SERPING1: variants seen among roughly 807,000 people sequenced by gnomAD.
The protein encoded by SERPING1 is plasma protease C1 inhibitor.
SERPING1 carries 5 observed loss-of-function variants against 34.1 expected under a neutral mutation model. That is an observed-to-expected ratio of 0.15 (90% CI 0.08 to 0.31). The LOEUF (loss-of-function observed/expected upper bound fraction) is 0.31. SERPING1 is among the 10% of genes least tolerant of loss of function. The probability of loss-of-function intolerance (pLI) is 1.00; values close to 1 mark genes in which losing one functional copy is unlikely to be tolerated. For missense variants in SERPING1, 505 were observed against 609.5 expected (o/e 0.83, Z 1.81); for synonymous variants, 225 against 242.4 (o/e 0.93, Z 0.67).
rs764371613 is a variant in SERPING1 at position 57,598,265 on chromosome 11, G to A, written c.-6G>A. On this transcript the variant is annotated 5_prime_UTR_variant, in exon 2 of 8. Transcript: ENST00000278407. ...GCTCCGCAGGTCCGCTGACGTCGCC[G>A]CCCAGATGGCCTCCAGGCTGACCCT... is the stretch of plus-strand genomic sequence containing the variant. 3.9e-6 allele frequency: 6 copies of A among 1,550,768 alleles called. No individual in the cohort carries two copies. In the Admixed American group the frequency reaches 7.8e-5, roughly 20 times the overall value.
intron 7 of SERPING1, 36 bp from the exon 8 acceptor site, chr11:57,614,292 G>A (rs1360209895): frequency 1.2e-6 from 2 of 1,610,674 alleles, no homozygotes; most frequent in Non-Finnish European, 8.5e-7. Flanking sequence ...GTATCATGCT[G>A]GCTTCTGACT....
At chr11:57,605,264 A>C (rs985778576) in intron 4 of SERPING1, among the ~76,000 whole-genome samples, 2 of 151,602 alleles carry the variant, frequency 1.3e-5, no homozygotes, top group African/African-American at 4.8e-5. Flanking sequence ...TCTTGGTCTT[A>C]TGTTGTACTT....
At chr11:57,607,906 C>A (rs1945429047) in intron 6 of SERPING1, among the ~76,000 whole-genome samples, 2 of 152,300 alleles carry the variant, frequency 1.3e-5, no homozygotes, top group South Asian at 4.1e-4. Flanking sequence ...GTGATCCACA[C>A]CCTCAGCCTC....
chr11:57,611,700 C>G lies in SERPING1; in HGVS notation c.1030-17C>G. 1 of 1,609,490 alleles carries G rather than the reference C, an allele frequency of 6.2e-7. No homozygotes were observed. The highest frequency in any genetic ancestry group is 8.5e-7 in the Non-Finnish European group (1 of 1,175,854). On this transcript the variant is annotated splice_polypyrimidine_tract_variant and intron_variant, in intron 6 of 7. Coordinates refer to ENST00000278407, the MANE Select transcript of SERPING1 (RefSeq NM_000062.3). ...ATGCGGTAGGAAGACTGTTAAGATG[C>G]ATCTCTTATTTTCTAGGTGGGGCAG...
At position 57,614,351 on chromosome 11, in the gene SERPING1, C is replaced by T. The variant is rs1230994574; in HGVS notation, c.1273C>T (p.Leu425Phe). 4 of 1,613,888 alleles carry T rather than the reference C, an allele frequency of 2.5e-6. No individual in the cohort carries two copies. In the African/African-American group the frequency reaches 4.0e-5, roughly 16 times the overall value. The change falls in exon 8 of 8, where the codon CTT (leucine) becomes TTT (phenylalanine). Residue 425 changes from leucine to phenylalanine, a missense_variant. Physicochemically the swap from Leu to Phe is conservative, Grantham distance 22. Transcript: ENST00000278407. Reference protein sequence around the residue: ...KLEFFDFSYDLNLCGLTEDPD... With the variant: ...KLEFFDFSYDFNLCGLTEDPD... ...AGAATTCTTCGATTTTTCTTATGAC[C>T]TTAACCTGTGTGGGCTGACAGAGGA...
At position 57,597,913 on chromosome 11, in the gene SERPING1, C is replaced by T. The variant is rs561217386; in HGVS notation, c.-23+191C>T. The T allele has an allele frequency of 2.7e-4, 74 of 279,170 alleles. No homozygotes were observed. In the East Asian group the frequency reaches 3.4e-3, roughly 13 times the overall value. 17.3% of individuals were successfully genotyped at this position (279,170 alleles called of 1,614,324 possible). On this transcript the variant is annotated intron_variant, in intron 1 of 7. Coordinates refer to ENST00000278407, the MANE Select transcript of SERPING1 (RefSeq NM_000062.3). ...CCCGCCTCAGGCCTGTTGTGCTCAG[C>T]CCCCCAGGACCTCCCCTCCCCCACG...
chr11:57,606,632 G>A, intron 6 of SERPING1, 85 bp downstream of exon 6: 1 of 1,384,566 alleles, frequency 7.2e-7, no homozygotes, highest in Non-Finnish European at 1.0e-6. Flanking sequence ...TCATTTTGGG[G>A]TACATGCTTA....
chr11:57,600,400 T>C (rs545634827), intron 3 of SERPING1, 23 bp downstream of exon 3: 2 of 1,611,842 alleles, frequency 1.2e-6, no homozygotes, highest in African/African-American at 1.3e-5. Flanking sequence ...TTGAATTCTC[T>C]CCAGGTCATT....
intron 1 of SERPING1, 185 bp from the exon 2 acceptor site, chr11:57,598,064 G>A (rs1056008556): frequency 1.9e-5 from 11 of 573,776 alleles, no homozygotes; most frequent in African/African-American, 1.7e-4. Context: ...GCCGGGAAAG[G>A]GAAGCGGTTT....
intron 7 of SERPING1, among the ~76,000 whole-genome samples, chr11:57,612,403 CT>C (rs1175159358): frequency 0.011 from 1,483 of 135,190 alleles, 28 homozygotes; most frequent in African/African-American, 0.034. Flanking sequence ...ACTCCATTTT[CT>C]TTTTTTTTTT....
In SERPING1 at chr11:57,614,644, T is replaced by G; in HGVS notation, c.*63T>G. The G allele has an allele frequency of 4.5e-6, 7 of 1,569,722 alleles. No individual in the cohort carries two copies. The highest frequency in any genetic ancestry group is 5.2e-6 in the Non-Finnish European group (6 of 1,160,192). On this transcript the variant is annotated 3_prime_UTR_variant, in exon 8 of 8. Coordinates refer to ENST00000278407, the MANE Select transcript of SERPING1 (RefSeq NM_000062.3). ...CAGCCTCAGCTCTCAGTTGCAGCCC[T>G]GCTGCTGCCTGCCTGGACTTGGCCC...
intron 4 of SERPING1, chr11:57,605,674 A>T: frequency 3.1e-6 from 1 of 326,586 alleles, no homozygotes; most frequent in Non-Finnish European, 5.9e-6. Flanking sequence ...CAGGAAGCAG[A>T]GTCTATTCCG....
At chr11:57,611,003 C>T (rs1405616424) in intron 6 of SERPING1, among the ~76,000 whole-genome samples, 4 of 152,076 alleles carry the variant, frequency 2.6e-5, no homozygotes, top group Admixed American at 1.3e-4. Context: ...GGCATGATCT[C>T]GGCTCACTGC....
At chr11:57,603,076 C>G (rs1198894698) in intron 4 of SERPING1, among the ~76,000 whole-genome samples, 2 of 151,240 alleles carry the variant, frequency 1.3e-5, no homozygotes, top group Non-Finnish European at 3.0e-5. Flanking sequence ...CTATTAAAAA[C>G]ACAAAAATTA....
intron 6 of SERPING1, 41 bp downstream of exon 6, chr11:57,606,588 T>A (rs1156251648): frequency 6.2e-7 from 1 of 1,610,974 alleles, no homozygotes; most frequent in Non-Finnish European, 8.5e-7. Flanking sequence ...GAAACCTACT[T>A]GAGTCTCCTG....
intron 2 of SERPING1, 64 bp downstream of exon 2, chr11:57,598,385 CG>C: frequency 5.4e-6 from 8 of 1,479,094 alleles, no homozygotes; most frequent in Non-Finnish European, 5.5e-6. Flanking sequence ...GTGCGGGGTG[CG>C]GGCGGTGGCT....
chr11:57,613,572 G>C (rs1945504201), intron 7 of SERPING1, among the ~76,000 whole-genome samples: 1 of 152,210 alleles, frequency 6.6e-6, no homozygotes, highest in Non-Finnish European at 1.5e-5. Flanking sequence ...AAATCTGGAA[G>C]GGTCCTGGGC....
At chr11:57,613,442 T>C (rs954598053) in intron 7 of SERPING1, among the ~76,000 whole-genome samples, 1 of 152,130 alleles carries the variant, frequency 6.6e-6, no homozygotes, top group Non-Finnish European at 1.5e-5. Flanking sequence ...CCTGCTAGGG[T>C]TTCATCATTT....
In SERPING1 at chr11:57,602,025, T is replaced by G. The variant is rs373733903; in HGVS notation, c.551-10T>G. On this transcript the variant is annotated splice_polypyrimidine_tract_variant and intron_variant, in intron 3 of 7. Coordinates refer to ENST00000278407, the MANE Select transcript of SERPING1 (RefSeq NM_000062.3). The stretch of plus-strand genomic sequence containing the variant: ...CTGCAAGTATCTTTCATCTCTGCCC[T>G]TTGTTGCAGGGGCTGGGGAGAACAC... The G allele has an allele frequency of 3.7e-6, 6 of 1,614,180 alleles. No homozygotes were observed. The highest frequency in any genetic ancestry group is 1.6e-4 in the Middle Eastern group (1 of 6,062).
Sources: allele counts gnomAD v4.1 joint callset (sites outside exome capture counted in the v4.1 genomes callset), GRCh38; gene constraint gnomAD v4.1.1; transcripts MANE v1.5; gene names NCBI Gene and HGNC (gene_info 2026-07-23, HGNC 2026-07-21).